HTATSF1: variants seen among roughly 807,000 people sequenced by gnomAD.
HTATSF1 encodes the protein 17S U2 SnRNP complex component HTATSF1.
HTATSF1 carries 6 observed loss-of-function variants against 46.1 expected under a neutral mutation model. That is an observed-to-expected ratio of 0.13 (90% CI 0.07 to 0.26). The LOEUF (loss-of-function observed/expected upper bound fraction) is 0.26. HTATSF1 is among the 10% of genes least tolerant of loss of function. HTATSF1 has a pLI of 1.00. For synonymous variants in HTATSF1, 226 were observed against 211.5 expected, an observed-to-expected ratio of 1.07 and a Z score of -0.60; for missense variants, 452 against 559.9, an observed-to-expected ratio of 0.81 and a Z score of 1.94.
Position 136,509,195 on chromosome X carries a change from T to C in HTATSF1, c.924+15T>C. The stretch of plus-strand genomic sequence containing the variant: ...TTCTCTTTGATGTAAGTTCATGGCT[T>C]GGACATATGGATCCTAAAGCAATAA... On this transcript the variant is annotated intron_variant, in intron 7 of 8. Transcript: ENST00000218364. 10 of 1,070,462 alleles carry C rather than the reference T, an allele frequency of 9.3e-6. No individual in the cohort carries two copies. Among genetic ancestry groups the C allele is most frequent in the Non-Finnish European group, 1.3e-5 (10 of 766,607 alleles). 88.2% of individuals were successfully genotyped at this position (1,070,462 alleles called of 1,213,427 possible).
chrX:136,509,494 A>G (rs1169704807), intron 7 of HTATSF1, among the ~76,000 whole-genome samples: 1 of 111,792 alleles, frequency 8.9e-6, no homozygotes, highest in Non-Finnish European at 1.9e-5. Context: ...TTTGTGAATT[A>G]TTCTCATCCT....
chrX:136,502,737 T>A, intron 4 of HTATSF1, 41 bp from the exon 5 acceptor site: 1 of 898,772 alleles, frequency 1.1e-6, no homozygotes. Context: ...AAGTTTTATT[T>A]CGTTGTATAA....
intron 4 of HTATSF1, among the ~76,000 whole-genome samples, 190 bp downstream of exon 4, chrX:136,501,008 A>G (rs1183551072): frequency 8.9e-6 from 1 of 112,630 alleles, no homozygotes; most frequent in African/African-American, 3.2e-5. Flanking sequence ...AAAATATGTT[A>G]TCAGGTAAAA....
chrX:136,509,432 A>AT (rs2075757452), intron 7 of HTATSF1, among the ~76,000 whole-genome samples: 1 of 112,033 alleles, frequency 8.9e-6, no homozygotes, highest in Admixed American at 9.4e-5. Context: ...GAAAGAAGGT[A>AT]CAGGAAAAAT....
chrX:136,497,784 G>A lies in HTATSF1; in HGVS notation c.100G>A (p.Ala34Thr). 1 of 1,204,453 alleles carries A rather than the reference G, an allele frequency of 8.3e-7. No homozygotes were observed. Among genetic ancestry groups the A allele is most frequent in the Non-Finnish European group, 1.1e-6 (1 of 890,191 alleles). ...DGKDGDTQTD[A>T]GGEPDSLGQQ... Reference sequence around the variant, plus strand: ...CAAGGATGGTGACACCCAGACCGATGCCGGCGGAGAACCCGATTCTCTCGG... The same window carrying A: ...CAAGGATGGTGACACCCAGACCGATACCGGCGGAGAACCCGATTCTCTCGG... The change falls in exon 1 of 9, where the codon GCC becomes ACC. Residue 34 changes from alanine to threonine, a missense_variant. Physicochemically the swap from Ala to Thr is moderately conservative, Grantham distance 58. Around this residue, in one of 3 missense-constraint regions of HTATSF1, gnomAD observed 89 missense variants for 92.3 expected, o/e 0.96. Transcript: ENST00000218364.
chrX:136,502,099 C>G (rs919037789), intron 4 of HTATSF1, among the ~76,000 whole-genome samples: 1 of 111,165 alleles, frequency 9.0e-6, no homozygotes, highest in Admixed American at 9.6e-5. Context: ...ATCTTTGACT[C>G]TGTTTGTATA....
intron 1 of HTATSF1, among the ~76,000 whole-genome samples, chrX:136,498,719 C>T (rs776558502): frequency 1.6e-3 from 177 of 112,575 alleles, no homozygotes; most frequent in African/African-American, 5.4e-3. Context: ...TTAAAATTTA[C>T]GATTTCACTT....
At chrX:136,508,744 G>A (rs1440237920) in intron 6 of HTATSF1, among the ~76,000 whole-genome samples, 1 of 112,236 alleles carries the variant, frequency 8.9e-6, no homozygotes, top group Non-Finnish European at 1.9e-5. Context: ...GCTCTTATCA[G>A]TGTGATGTTG....
chrX:136,507,579 A>C (rs1194958863), intron 6 of HTATSF1, among the ~76,000 whole-genome samples: 3 of 109,793 alleles, frequency 2.7e-5, no homozygotes, highest in Admixed American at 1.9e-4. Flanking sequence ...AAAAAGAAAG[A>C]AAGCAAAGCA....
At chrX:136,497,302 C>T (rs1391527328), upstream of HTATSF1, 5 of 112,605 alleles carry the variant, frequency 4.4e-5, no homozygotes, top group African/African-American at 1.6e-4. Context: ...GAAGTAATTT[C>T]CTGACGTTGC....
At chrX:136,507,868 A>G (rs748786850) in intron 6 of HTATSF1, among the ~76,000 whole-genome samples, 1 of 111,175 alleles carries the variant, frequency 9.0e-6, no homozygotes, top group East Asian at 2.8e-4. Flanking sequence ...ACTCACTCTA[A>G]TAGGAGCTAA....
At position 136,511,082 on chromosome X, in the gene HTATSF1, A is replaced by C; in HGVS notation, c.1337A>C (p.Glu446Ala). Residue 446 changes from glutamate (E) to alanine (A), a missense_variant, in exon 9 of 9, where the codon GAA (glutamate) becomes GCA (alanine). Coordinates refer to ENST00000218364, the MANE Select transcript of HTATSF1 (RefSeq NM_014500.5). ...DGGEFEEGAS[E>A]NNAKESSPEK... is the part of the protein sequence containing the mutation. ...GGAGAATTTGAAGAAGGTGCTTCTGAAAACAATGCTAAGGAAAGTAGCCCC... is the reference window on the plus strand; with the variant it reads ...GGAGAATTTGAAGAAGGTGCTTCTGCAAACAATGCTAAGGAAAGTAGCCCC... The C allele has an allele frequency of 8.3e-7, 1 of 1,211,797 alleles. No homozygotes were observed. The highest frequency in any genetic ancestry group is 1.1e-6 in the Non-Finnish European group (1 of 895,491).
rs1603306887 is a variant in HTATSF1, at chrX:136,512,081, G to T, written c.*68G>T. ...TGCCTGTGCTTCAGGGTAATTACTA[G>T]TAGTGTTACATGAACATGTGCATAG... On this transcript the variant is annotated 3_prime_UTR_variant, in exon 9 of 9. Coordinates refer to ENST00000218364, the MANE Select transcript of HTATSF1 (RefSeq NM_014500.5). The T allele has an allele frequency of 9.4e-7, 1 of 1,065,376 alleles. No homozygotes were observed. The highest frequency in any genetic ancestry group is 3.0e-5 in the East Asian group (1 of 33,057). 87.8% of individuals were successfully genotyped at this position (1,065,376 alleles called of 1,213,427 possible). A position where few individuals can be genotyped will look rare whatever the true frequency, so the allele number is the denominator to read the frequency against.
chrX:136,508,986 C>G, intron 6 of HTATSF1, 105 bp from the exon 7 acceptor site: 1 of 595,321 alleles, frequency 1.7e-6, no homozygotes, highest in Non-Finnish European at 2.7e-6. Flanking sequence ...CAACCTTAAG[C>G]AAAACCTTTT....
chrX:136,510,210 A>G lies in HTATSF1; in HGVS notation c.1053A>G (p.Thr351=). The G allele has an allele frequency of 8.3e-7, 1 of 1,209,194 alleles. No individual in the cohort carries two copies. Among genetic ancestry groups the G allele is most frequent in the East Asian group, 3.0e-5 (1 of 33,745 alleles). ...CTGCCCAGGCATGGGATGGGACTACAGATTATCAGGTAAATTTTGCTGCTT... is the reference window on the plus strand; with the variant it reads ...CTGCCCAGGCATGGGATGGGACTACGGATTATCAGGTAAATTTTGCTGCTT... ...QITAQAWDGT[T]DYQVEETSRE... is the part of the protein sequence containing the mutation. Residue 351 remains threonine, a synonymous_variant, in exon 8 of 9, where the codon ACA becomes ACG. Transcript: ENST00000218364.
upstream of HTATSF1, chrX:136,497,580 C>T (rs746746207): frequency 4.7e-5 from 31 of 664,702 alleles, no homozygotes; most frequent in African/African-American, 3.9e-4. Context: ...CGGGGGGCGG[C>T]GGGGCGCGAG....
At chrX:136,504,097 C>T (rs7877496) in intron 5 of HTATSF1, among the ~76,000 whole-genome samples, 4,580 of 111,253 alleles carry the variant, frequency 0.041, 247 homozygotes, top group African/African-American at 0.14. Flanking sequence ...TCTTGAACTC[C>T]TGGCCTCAAG....
Position 136,509,954 on chromosome X carries a change from C to G in HTATSF1, c.925-128C>G, listed in dbSNP as rs185112410. The G allele has an allele frequency of 2.6e-4, 150 of 574,180 alleles. No homozygotes were observed. The African/African-American group carries it at 3.2e-3, about 12-fold the overall frequency. The allele number at this position is 574,180 out of a possible 1,213,427, so 47.3% of individuals were successfully genotyped here. ...TGGCTGGGATAAAATGGAAGAAAGACTTCATACATAAAGTCTTTTACTTCA... is the reference window on the plus strand; with the variant it reads ...TGGCTGGGATAAAATGGAAGAAAGAGTTCATACATAAAGTCTTTTACTTCA... On this transcript the variant is annotated intron_variant, in intron 7 of 8. Transcript: ENST00000218364.
intron 5 of HTATSF1, 69 bp from the exon 6 acceptor site, chrX:136,504,295 C>T (rs2075732359): frequency 1.4e-6 from 1 of 713,512 alleles, no homozygotes; most frequent in Non-Finnish European, 2.2e-6. Context: ...ATGAACAACT[C>T]ATTCTTTTCT....
Sources: allele counts gnomAD v4.1 joint callset (sites outside exome capture counted in the v4.1 genomes callset), GRCh38; gene constraint gnomAD v4.1.1; regional missense constraint gnomAD v4.1.1; transcripts MANE v1.5; gene names NCBI Gene and HGNC (gene_info 2026-07-23, HGNC 2026-07-21).